KCNIP4: variants seen among roughly 807,000 people sequenced by gnomAD.
The protein encoded by KCNIP4 is potassium voltage-gated channel interacting protein 4.
In KCNIP4, 12 loss-of-function variants were observed where a neutral mutation model predicts 34.0. That is an observed-to-expected ratio of 0.35 (90% CI 0.23 to 0.57). The LOEUF is 0.57. Among genes scored for constraint, KCNIP4 ranks in the 20% least tolerant of loss-of-function variants. KCNIP4 has a pLI of 0.83. For missense variants in KCNIP4, 238 were observed against 311.7 expected, an observed-to-expected ratio of 0.76 and a Z score of 1.78; for synonymous variants, 124 against 102.2, an observed-to-expected ratio of 1.21 and a Z score of -1.29.
intron 1 of KCNIP4, among the ~76,000 whole-genome samples, chr4:21,428,532 T>A (rs926255409): frequency 2.0e-5 from 3 of 152,036 alleles, no homozygotes; most frequent in African/African-American, 7.2e-5. Context: ...TGAGGGATGA[T>A]GCCCACAATG....
intron 3 of KCNIP4, among the ~76,000 whole-genome samples, chr4:20,822,215 G>T (rs903488175): frequency 6.6e-6 from 1 of 151,824 alleles, no homozygotes; most frequent in African/African-American, 2.4e-5. Context: ...AAACAAATCA[G>T]CAAGAAAAAA....
intron 1 of KCNIP4, among the ~76,000 whole-genome samples, chr4:21,277,978 G>T (rs940707231): frequency 6.6e-6 from 1 of 152,098 alleles, no homozygotes; most frequent in Non-Finnish European, 1.5e-5. Context: ...ATGAGAATAT[G>T]AAAAAGTAAA....
chr4:20,868,382 A>G (rs1723084831), intron 2 of KCNIP4, among the ~76,000 whole-genome samples: 1 of 152,076 alleles, frequency 6.6e-6, no homozygotes, highest in South Asian at 2.1e-4. Flanking sequence ...GAATTCTTAC[A>G]CATGGTGGGA....
intron 3 of KCNIP4, among the ~76,000 whole-genome samples, chr4:20,811,872 G>A (rs961141743): frequency 6.6e-6 from 1 of 152,192 alleles, no homozygotes; most frequent in Non-Finnish European, 1.5e-5. Context: ...AGATGGAGAA[G>A]TCAGAGAAGT....
intron 2 of KCNIP4, among the ~76,000 whole-genome samples, chr4:20,856,107 A>C (rs1007143293): frequency 5.3e-5 from 8 of 152,216 alleles, no homozygotes; most frequent in African/African-American, 7.2e-5. Flanking sequence ...GATAGAAAAG[A>C]TGATGGAAAA....
At chr4:21,771,098 C>T (rs1253066539) in intron 1 of KCNIP4, among the ~76,000 whole-genome samples, 2 of 152,036 alleles carry the variant, frequency 1.3e-5, no homozygotes, top group Non-Finnish European at 2.9e-5. Flanking sequence ...GTCTTTAATC[C>T]ATCTTGAGTT....
chr4:20,745,649 G>A (rs1752262962), intron 5 of KCNIP4, among the ~76,000 whole-genome samples: 1 of 152,116 alleles, frequency 6.6e-6, no homozygotes, highest in Non-Finnish European at 1.5e-5. Flanking sequence ...CCGAATTCTG[G>A]TTTCCATTCT....
At chr4:21,692,836 T>A (rs997792659) in intron 1 of KCNIP4, among the ~76,000 whole-genome samples, 177 of 147,992 alleles carry the variant, frequency 1.2e-3, no homozygotes, top group Non-Finnish European at 2.1e-3. Flanking sequence ...CATTTTTTTT[T>A]TTTTTTTTTT....
intron 1 of KCNIP4, among the ~76,000 whole-genome samples, chr4:21,177,878 A>ATATATATATATATATATATATAT (rs397839047): frequency 2.7e-5 from 4 of 145,504 alleles, no homozygotes; most frequent in African/African-American, 1.1e-4. Context: ...ATATATATAT[A>ATATATATATATATATATATATAT]AAATATAACA....
At chr4:21,073,506 A>C (rs1203072622) in intron 1 of KCNIP4, among the ~76,000 whole-genome samples, 1 of 152,196 alleles carries the variant, frequency 6.6e-6, no homozygotes, top group Non-Finnish European at 1.5e-5. Context: ...GACTTTGCTG[A>C]AGTTGCTTAT....
chr4:20,863,722 T>C (rs1464358740), intron 2 of KCNIP4, among the ~76,000 whole-genome samples: 1 of 152,142 alleles, frequency 6.6e-6, no homozygotes, highest in Non-Finnish European at 1.5e-5. Context: ...ATTTCCTCAG[T>C]GAAACTTTTG....
chr4:21,049,581 C>T (rs1254143826), intron 1 of KCNIP4, among the ~76,000 whole-genome samples: 2 of 152,166 alleles, frequency 1.3e-5, no homozygotes, highest in Non-Finnish European at 2.9e-5. Flanking sequence ...AGTCTTTACC[C>T]TCTTTCTGGT....
chr4:21,530,556 T>G (rs1489855242), intron 1 of KCNIP4, among the ~76,000 whole-genome samples: 3 of 152,142 alleles, frequency 2.0e-5, no homozygotes, highest in African/African-American at 7.2e-5. Context: ...CAAATAATTG[T>G]TGATATAATA....
chr4:20,729,838 G>C lies in KCNIP4; in HGVS notation c.*244C>G. The C allele has an allele frequency of 2.6e-6, 1 of 379,836 alleles. No individual in the cohort carries two copies. Among genetic ancestry groups the C allele is most frequent in the Non-Finnish European group, 4.7e-6 (1 of 213,644 alleles). 23.5% of individuals were successfully genotyped at this position (379,836 alleles called of 1,614,324 possible). A position where few individuals can be genotyped will look rare whatever the true frequency, so the allele number is the denominator to read the frequency against. ...CTATATGCCAGATTCTATTACTTTTGAATATTCACAGAGTATGAAATGAGT... is the reference window on the plus strand; with the variant it reads ...CTATATGCCAGATTCTATTACTTTTCAATATTCACAGAGTATGAAATGAGT... On this transcript the variant is annotated 3_prime_UTR_variant, in exon 9 of 9. Transcript: ENST00000382152.
chr4:20,936,226 T>C (rs1425780293), intron 1 of KCNIP4, among the ~76,000 whole-genome samples: 2 of 152,156 alleles, frequency 1.3e-5, no homozygotes, highest in Admixed American at 6.5e-5. Context: ...GGGCTGTCTG[T>C]CATAAAGTTG....
At position 21,071,671 on chromosome 4, in the gene KCNIP4, T is replaced by C. The variant is rs1024696708; in HGVS notation, c.62-188962A>G. 3.3e-5 allele frequency among the ~76,000 whole-genome samples: 5 copies of C among 152,290 alleles called. No homozygotes were observed. In the South Asian group the frequency reaches 1.0e-3, roughly 32 times the overall value. On this transcript the variant is annotated intron_variant, in intron 1 of 8. Coordinates refer to ENST00000382152, the MANE Select transcript of KCNIP4 (RefSeq NM_025221.6). Reference sequence around the variant, plus strand: ...GATTTTTTAAATTATACTTTAAGTTTTGGGGTACATGTGCACAATGTGCAG... The same window carrying C: ...GATTTTTTAAATTATACTTTAAGTTCTGGGGTACATGTGCACAATGTGCAG...
intron 3 of KCNIP4, among the ~76,000 whole-genome samples, chr4:20,807,915 C>G (rs1715283371): frequency 6.6e-6 from 1 of 152,136 alleles, no homozygotes; most frequent in Non-Finnish European, 1.5e-5. Flanking sequence ...GTACATCTAA[C>G]AAGTTTCACA....
At chr4:21,401,263 A>G (rs1278657414) in intron 1 of KCNIP4, among the ~76,000 whole-genome samples, 1 of 152,206 alleles carries the variant, frequency 6.6e-6, no homozygotes, top group African/African-American at 2.4e-5. Flanking sequence ...ATACAGCTGA[A>G]GTTTATTTTC....
At chr4:20,851,203 G>A (rs1340345585) in intron 2 of KCNIP4, among the ~76,000 whole-genome samples, 3 of 152,008 alleles carry the variant, frequency 2.0e-5, no homozygotes, top group Admixed American at 6.6e-5. Flanking sequence ...CCCCCAACAG[G>A]TGCCCAGCAT....
Sources: gnomAD v4.1 joint callset for allele counts (sites outside exome capture counted in the v4.1 genomes callset) on GRCh38, gnomAD v4.1.1 for gene constraint, MANE v1.5 for transcripts, NCBI Gene and HGNC (gene_info 2026-07-23, HGNC 2026-07-21) for gene names.